Variants in ZBTB43 observed in about 807,000 individuals in gnomAD.
ZBTB43 encodes zinc finger and BTB domain containing 43.
A neutral mutation model predicts 31.1 loss-of-function variants in ZBTB43; 6 were observed. That is an observed-to-expected ratio of 0.19 (90% CI 0.11 to 0.38). The LOEUF is 0.38. Among genes scored for constraint, ZBTB43 ranks in the 10% least tolerant of loss-of-function variants. The probability of loss-of-function intolerance (pLI) is 1.00; values close to 1 mark genes in which losing one functional copy is unlikely to be tolerated. For synonymous variants in ZBTB43, 212 were observed against 221.7 expected, an observed-to-expected ratio of 0.96 and a Z score of 0.39; for missense variants, 379 against 602.1, an observed-to-expected ratio of 0.63 and a Z score of 3.88.
intron 2 of ZBTB43, among the ~76,000 whole-genome samples, chr9:126,827,695 G>T (rs2032672415): frequency 6.6e-6 from 1 of 152,148 alleles, no homozygotes; most frequent in Non-Finnish European, 1.5e-5. Context: ...GATTTTAAAT[G>T]TATTCTCGTC....
rs972603418 is a variant in ZBTB43 at position 126,809,311 on chromosome 9, A to G, written c.-24+396A>G. On this transcript the variant is annotated intron_variant, in intron 2 of 2. Coordinates refer to ENST00000373464, the MANE Select transcript of ZBTB43 (RefSeq NM_014007.4). The stretch of plus-strand genomic sequence containing the variant: ...GGAGTGTTGCACAACGCAGGTTTAC[A>G]TAGTGTGCTTTGTGAACTCTAAAGC... Among the ~76,000 whole-genome samples the G allele has an allele frequency of 8.5e-5, 13 of 152,364 alleles. No homozygotes were observed. The East Asian group carries it at 2.5e-3, about 29-fold the overall frequency.
intron 2 of ZBTB43, among the ~76,000 whole-genome samples, chr9:126,823,114 C>G (rs1803678696): frequency 6.6e-6 from 1 of 152,254 alleles, no homozygotes; most frequent in East Asian, 1.9e-4. Context: ...GTCTTTATAG[C>G]AGGCTTAACT....
intron 2 of ZBTB43, among the ~76,000 whole-genome samples, chr9:126,828,814 C>T (rs1036287766): frequency 1.4e-4 from 21 of 151,718 alleles, no homozygotes; most frequent in Admixed American, 3.3e-4. Flanking sequence ...ATTATCACAA[C>T]GTAGGATAAA....
intron 2 of ZBTB43, among the ~76,000 whole-genome samples, chr9:126,825,859 T>A (rs2032621015): frequency 6.8e-6 from 1 of 147,956 alleles, no homozygotes; most frequent in Non-Finnish European, 1.5e-5. Flanking sequence ...TTTTTTTTTT[T>A]TTTTGAGATG....
At chr9:126,830,904 G>T (rs954122731) in intron 2 of ZBTB43, among the ~76,000 whole-genome samples, 11 of 152,066 alleles carry the variant, frequency 7.2e-5, no homozygotes, top group Non-Finnish European at 1.3e-4. Flanking sequence ...CTTAGTCTTC[G>T]TTATAACTTT....
chr9:126,812,079 C>A (rs762804048), intron 2 of ZBTB43, among the ~76,000 whole-genome samples: 1 of 152,106 alleles, frequency 6.6e-6, no homozygotes, highest in Non-Finnish European at 1.5e-5. Context: ...CAGTTGCTCC[C>A]CATTTCTTCT....
intron 1 of ZBTB43, among the ~76,000 whole-genome samples, chr9:126,806,782 CTT>C (rs2032136140): frequency 6.6e-6 from 1 of 152,170 alleles, no homozygotes; most frequent in African/African-American, 2.4e-5. Context: ...TTCCTACTCT[CTT>C]TACAGCAGTG....
chr9:126,809,384 A>G (rs1002220571), intron 2 of ZBTB43, among the ~76,000 whole-genome samples: 2 of 152,178 alleles, frequency 1.3e-5, no homozygotes, highest in African/African-American at 4.8e-5. Flanking sequence ...GTTTTTGTAC[A>G]TTTGTGCCAG....
upstream of ZBTB43, among the ~76,000 whole-genome samples, chr9:126,804,641 C>A (rs1290988974): frequency 6.6e-6 from 1 of 152,072 alleles, no homozygotes; most frequent in Non-Finnish European, 1.5e-5. Context: ...CGCGCAACCA[C>A]GCTCAGCTAA....
In ZBTB43 at chr9:126,833,190, C is replaced by T; in HGVS notation, c.681C>T (p.Tyr227=). 1.2e-6 allele frequency: 2 copies of T among 1,613,790 alleles called. No individual in the cohort carries two copies. The highest frequency in any genetic ancestry group is 2.2e-5 in the South Asian group (2 of 91,082). The change falls in exon 3 of 3, where the codon TAC becomes TAT. Residue 227 remains tyrosine, a synonymous_variant. Transcript: ENST00000373464. The surrounding 1 kb of genome is among the most constrained non-coding windows in gnomAD (Gnocchi z 7.9). Reference sequence around the variant, plus strand: ...CCAGCGACAGCGCCGAGTTCCACTACACCCGGCCCATGTACAGCAAGCCCA... The same window carrying T: ...CCAGCGACAGCGCCGAGTTCCACTATACCCGGCCCATGTACAGCAAGCCCA... ...EGASDSAEFH[Y]TRPMYSKPSI...
intron 2 of ZBTB43, among the ~76,000 whole-genome samples, chr9:126,821,528 G>T (rs2032508607): frequency 6.6e-6 from 1 of 152,194 alleles, no homozygotes; most frequent in South Asian, 2.1e-4. Flanking sequence ...ACTTTGAGGG[G>T]CTCAAGACTT....
chr9:126,821,339 G>A (rs563244497), intron 2 of ZBTB43, among the ~76,000 whole-genome samples: 2 of 152,134 alleles, frequency 1.3e-5, no homozygotes, highest in South Asian at 2.1e-4. Context: ...TCGCACCACT[G>A]CACTCCAGCC....
At chr9:126,828,166 G>A (rs2032683925) in intron 2 of ZBTB43, among the ~76,000 whole-genome samples, 2 of 151,966 alleles carry the variant, frequency 1.3e-5, no homozygotes, top group Non-Finnish European at 2.9e-5. Flanking sequence ...AAACACCCAT[G>A]TATTAAAGGT....
At chr9:126,811,316 A>G (rs2032243600) in intron 2 of ZBTB43, among the ~76,000 whole-genome samples, 2 of 151,880 alleles carry the variant, frequency 1.3e-5, no homozygotes, top group South Asian at 2.1e-4. Context: ...TTAAATCTCA[A>G]TTTTACTGCT....
At chr9:126,819,279 ATTTTTT>A (rs71377975) in intron 2 of ZBTB43, among the ~76,000 whole-genome samples, 1 of 100,196 alleles carries the variant, frequency 1.0e-5, no homozygotes, top group African/African-American at 3.8e-5. Flanking sequence ...CGGATATTGC[ATTTTTT>A]TTTTTTTTTT....
chr9:126,829,813 T>C (rs767441782), intron 2 of ZBTB43, among the ~76,000 whole-genome samples: 1 of 152,214 alleles, frequency 6.6e-6, no homozygotes, highest in Non-Finnish European at 1.5e-5. Flanking sequence ...GCAGAGAATC[T>C]GTTCACCCAG....
intron 2 of ZBTB43, among the ~76,000 whole-genome samples, chr9:126,814,288 T>C (rs2032315188): frequency 6.6e-6 from 1 of 150,928 alleles, no homozygotes; most frequent in Non-Finnish European, 1.5e-5. Flanking sequence ...GAAATTTACA[T>C]CTGTAAAATT....
intron 2 of ZBTB43, among the ~76,000 whole-genome samples, chr9:126,830,118 TTAA>T (rs1354743591): frequency 2.6e-5 from 4 of 152,198 alleles, no homozygotes; most frequent in African/African-American, 9.6e-5. Flanking sequence ...ACATCTCAAC[TTAA>T]TAAAAACTAG....
chr9:126,837,750 T>TA lies in ZBTB43; in HGVS notation c.*3838dup, dbSNP rs2032912974. On this transcript the variant is annotated 3_prime_UTR_variant, in exon 3 of 3. Coordinates refer to ENST00000373464, the MANE Select transcript of ZBTB43 (RefSeq NM_014007.4). ...GTTTGGGGTTTTTTTCTTTGCTACTTACATATTTAAAGGTACAAGTTTCTT... is the reference window on the plus strand; with the variant it reads ...GTTTGGGGTTTTTTTCTTTGCTACTTAACATATTTAAAGGTACAAGTTTCTT... 1 of 167,104 alleles carries TA rather than the reference T, an allele frequency of 6.0e-6. No individual in the cohort carries two copies. The highest frequency in any genetic ancestry group is 1.5e-5 in the Non-Finnish European group (1 of 68,122). 10.4% of individuals were successfully genotyped at this position (167,104 alleles called of 1,614,324 possible).
Sources: gnomAD v4.1 joint callset for allele counts (sites outside exome capture counted in the v4.1 genomes callset) on GRCh38, gnomAD v4.1.1 for gene constraint, Gnocchi (gnomAD v3.1) non-coding constraint, MANE v1.5 for transcripts, NCBI Gene and HGNC (gene_info 2026-07-23, HGNC 2026-07-21) for gene names.